The following MET variants were observed in gnomAD, a reference collection of about 807,000 sequenced individuals.
MET encodes hepatocyte growth factor receptor.
A neutral mutation model predicts 133.1 loss-of-function variants in MET; 48 were observed. The ratio of observed to expected loss-of-function variants is 0.36; its 90% CI spans 0.29 to 0.46. The LOEUF (loss-of-function observed/expected upper bound fraction) is 0.46. MET is among the 20% of genes least tolerant of loss of function. The pLI, the probability that MET is intolerant of heterozygous loss-of-function variation, is 1.00. For missense variants in MET, 1,442 were observed against 1,695.9 expected (o/e 0.85, Z 2.63); for synonymous variants, 628 against 616.5 (o/e 1.02, Z -0.28).
intron 11 of MET, among the ~76,000 whole-genome samples, chr7:116,768,556 A>G (rs1224106871): frequency 6.6e-6 from 1 of 152,222 alleles, no homozygotes; most frequent in Non-Finnish European, 1.5e-5. Flanking sequence ...CAGGTTATAA[A>G]GAAGTATTTT....
rs1794232818 is a variant in MET, at chr7:116,757,598, AT to A, written c.1966-39del. 8 of 1,613,626 alleles carry A rather than the reference AT, an allele frequency of 5.0e-6. No homozygotes were observed. The Admixed American group carries it at 5.0e-5, about 10-fold the overall frequency. On this transcript the variant is annotated intron_variant, in intron 7 of 20. Transcript: ENST00000397752. Reference sequence around the variant, plus strand: ...TTACTTAATCTATTTAAATTATAAGATGAACAAGTTACTTTGTTTTGTTTTT... The same window carrying A: ...TTACTTAATCTATTTAAATTATAAGAGAACAAGTTACTTTGTTTTGTTTTT...
intron 1 of MET, among the ~76,000 whole-genome samples, chr7:116,696,931 C>T (rs1796986081): frequency 6.6e-6 from 1 of 152,204 alleles, no homozygotes; most frequent in South Asian, 2.1e-4. Context: ...GAATCCTTCT[C>T]ATTTCCGCCT....
chr7:116,752,975 C>CATA (rs1405241317), intron 5 of MET, among the ~76,000 whole-genome samples: 2 of 152,038 alleles, frequency 1.3e-5, no homozygotes, highest in Non-Finnish European at 2.9e-5. Flanking sequence ...GGATTTCTAC[C>CATA]ATAATAATAA....
chr7:116,757,129 C>A (rs1310487412), intron 6 of MET, among the ~76,000 whole-genome samples: 1 of 152,012 alleles, frequency 6.6e-6, no homozygotes, highest in African/African-American at 2.4e-5. Flanking sequence ...CTAGTTCCAA[C>A]TCCTGAGTCC....
chr7:116,759,708 A>G, intron 10 of MET: 3 of 567,840 alleles, frequency 5.3e-6, no homozygotes, highest in South Asian at 3.5e-5. Context: ...ACACATGCAC[A>G]TATAATGTTT....
At chr7:116,737,130 C>A (rs764682992) in intron 3 of MET, among the ~76,000 whole-genome samples, 5 of 152,198 alleles carry the variant, frequency 3.3e-5, no homozygotes, top group Non-Finnish European at 5.9e-5. Flanking sequence ...GCGCAAAATT[C>A]CAAATGGCAT....
intron 2 of MET, among the ~76,000 whole-genome samples, chr7:116,717,932 A>C (rs1267624824): frequency 6.6e-6 from 1 of 152,212 alleles, no homozygotes; most frequent in Non-Finnish European, 1.5e-5. Context: ...AGTCAGGTAA[A>C]AAGAATCTGG....
At chr7:116,704,080 G>C (rs1791680202) in intron 2 of MET, among the ~76,000 whole-genome samples, 1 of 152,136 alleles carries the variant, frequency 6.6e-6, no homozygotes, top group Admixed American at 6.6e-5. Flanking sequence ...ACACACCTGG[G>C]TGGAAGTCCT....
intron 1 of MET, among the ~76,000 whole-genome samples, chr7:116,678,488 A>G (rs751541593): frequency 6.6e-6 from 1 of 152,258 alleles, no homozygotes; most frequent in Non-Finnish European, 1.5e-5. Context: ...ACCGTGGAAG[A>G]TTTCTAATTT....
At chr7:116,725,689 C>T (rs1265174847) in intron 2 of MET, among the ~76,000 whole-genome samples, 3 of 151,344 alleles carry the variant, frequency 2.0e-5, no homozygotes, top group Non-Finnish European at 4.4e-5. Context: ...CTGCTGAATA[C>T]TGTAGGCAAT....
At chr7:116,695,959 G>A (rs62469056) in intron 1 of MET, among the ~76,000 whole-genome samples, 24,550 of 151,912 alleles carry the variant, frequency 0.16, 2,518 homozygotes, top group East Asian at 0.27. Context: ...TACAACCTCC[G>A]CTTCCCAAGT....
At position 116,729,930 on chromosome 7, in the gene MET, G is replaced by A. The variant is rs563233434; in HGVS notation, c.1201-1738G>A. Among the ~76,000 whole-genome samples, 35 of 152,292 alleles carry A rather than the reference G, an allele frequency of 2.3e-4. No individual in the cohort carries two copies. The East Asian group carries it at 6.6e-3, about 29-fold the overall frequency. ...TATGCATGATAGTTAATCAACTACTGGCAATACCATGGTGAACGAGTAGGG... is the reference window on the plus strand; with the variant it reads ...TATGCATGATAGTTAATCAACTACTAGCAATACCATGGTGAACGAGTAGGG... On this transcript the variant is annotated intron_variant, in intron 2 of 20. Transcript: ENST00000397752.
chr7:116,741,980 T>A (rs76116343), intron 5 of MET, among the ~76,000 whole-genome samples: 8,863 of 152,318 alleles, frequency 0.058, 364 homozygotes, highest in East Asian at 0.11. Context: ...ACGCAATTTT[T>A]AAAAATTTCT....
At chr7:116,753,573 T>C (rs983790241) in intron 5 of MET, among the ~76,000 whole-genome samples, 1 of 152,200 alleles carries the variant, frequency 6.6e-6, no homozygotes, top group African/African-American at 2.4e-5. Flanking sequence ...AAAATGAGTC[T>C]GTTATTTGCT....
chr7:116,794,751 C>A (rs1031869637), intron 19 of MET, among the ~76,000 whole-genome samples: 4 of 152,216 alleles, frequency 2.6e-5, no homozygotes, highest in African/African-American at 7.2e-5. Context: ...GAACTGCCCC[C>A]CTGGGTCCTG....
intron 17 of MET, among the ~76,000 whole-genome samples, chr7:116,779,547 C>T (rs1427148191): frequency 6.6e-6 from 1 of 152,160 alleles, no homozygotes; most frequent in African/African-American, 2.4e-5. Context: ...TGGCTTCAGA[C>T]TCCTCTTCCC....
intron 5 of MET, among the ~76,000 whole-genome samples, chr7:116,751,591 G>C (rs1233298554): frequency 6.6e-6 from 1 of 152,074 alleles, no homozygotes; most frequent in African/African-American, 2.4e-5. Flanking sequence ...ATGTTCAGTG[G>C]CTAAAATTCT....
chr7:116,764,080 A>C (rs965087858), intron 11 of MET, among the ~76,000 whole-genome samples: 4 of 152,222 alleles, frequency 2.6e-5, no homozygotes, highest in African/African-American at 7.2e-5. Flanking sequence ...AACATAAAGC[A>C]ATAGGATAGT....
chr7:116,778,939 C>T lies in MET; in HGVS notation c.3504C>T (p.Phe1168=), dbSNP rs2117048132. 1.2e-6 allele frequency: 2 copies of T among 1,613,834 alleles called. No individual in the cohort carries two copies. The highest frequency in any genetic ancestry group is 1.7e-6 in the Non-Finnish European group (2 of 1,179,918). ...TGAAACATGGAGATCTTCGAAATTTCATTCGAAATGAGACTCATGTAAGTT... is the reference window on the plus strand; with the variant it reads ...TGAAACATGGAGATCTTCGAAATTTTATTCGAAATGAGACTCATGTAAGTT... ...PYMKHGDLRN[F]IRNETHNPTV... is the part of the protein sequence containing the mutation. Residue 1168 remains phenylalanine (F), a synonymous_variant, in exon 17 of 21, where the codon TTC becomes TTT. Transcript: ENST00000397752.
Sources: allele counts gnomAD v4.1 joint callset (sites outside exome capture counted in the v4.1 genomes callset), GRCh38; gene constraint gnomAD v4.1.1; transcripts MANE v1.5; gene names NCBI Gene and HGNC (gene_info 2026-07-23, HGNC 2026-07-21).